The following MIPOL1 variants were observed in gnomAD, a reference collection of about 807,000 sequenced individuals.
MIPOL1 encodes the protein mirror-image polydactyly 1, also known as mirror-image polydactyly gene 1 protein.
MIPOL1 carries 57 observed loss-of-function variants against 60.9 expected under a neutral mutation model. The observed-to-expected ratio is 0.94, with a 90% CI of 0.76 to 1.17. The LOEUF is 1.17. Among genes scored for constraint, MIPOL1 ranks in the 50% most tolerant of loss-of-function variants. MIPOL1 has a pLI of 0.00. For synonymous variants in MIPOL1, 179 were observed against 168.8 expected, an observed-to-expected ratio of 1.06 and a Z score of -0.47; for missense variants, 551 against 511.6, an observed-to-expected ratio of 1.08 and a Z score of -0.74.
At chr14:37,485,845 A>T (rs1264908067) in intron 11 of MIPOL1, among the ~76,000 whole-genome samples, 1 of 152,034 alleles carries the variant, frequency 6.6e-6, no homozygotes, top group Non-Finnish European at 1.5e-5. Flanking sequence ...ATTAGATCCC[A>T]TTTGTCAATT....
intron 1 of MIPOL1, among the ~76,000 whole-genome samples, chr14:37,215,865 C>T (rs570440677): frequency 2.6e-5 from 4 of 151,990 alleles, no homozygotes; most frequent in African/African-American, 4.8e-5. Flanking sequence ...GTCAGGAGTT[C>T]GAGAGCAGCC....
At chr14:37,539,523 G>C (rs770081622) in intron 12 of MIPOL1, among the ~76,000 whole-genome samples, 1 of 152,120 alleles carries the variant, frequency 6.6e-6, no homozygotes, top group Non-Finnish European at 1.5e-5. Flanking sequence ...CTGGATTGTT[G>C]TATAGGACTC....
At chr14:37,402,453 ATGAGCAAAAT>A (rs2093502446) in intron 10 of MIPOL1, among the ~76,000 whole-genome samples, 1 of 152,178 alleles carries the variant, frequency 6.6e-6, no homozygotes, top group Non-Finnish European at 1.5e-5. Flanking sequence ...GAGTCTGCCA[ATGAGCAAAAT>A]AGGAAAGGCA....
At chr14:37,361,849 T>C (rs1348578092) in intron 9 of MIPOL1, among the ~76,000 whole-genome samples, 1 of 152,096 alleles carries the variant, frequency 6.6e-6, no homozygotes, top group African/African-American at 2.4e-5. Context: ...CCTTGTGATC[T>C]GCCCGCCTTG....
At chr14:37,489,744 C>A (rs1471060458) in intron 11 of MIPOL1, among the ~76,000 whole-genome samples, 2 of 152,210 alleles carry the variant, frequency 1.3e-5, no homozygotes, top group Admixed American at 1.3e-4. Context: ...TGGAGGTCCA[C>A]TCTAGACCCT....
At chr14:37,250,536 G>T (rs1369946956) in intron 3 of MIPOL1, among the ~76,000 whole-genome samples, 1 of 152,112 alleles carries the variant, frequency 6.6e-6, no homozygotes, top group Non-Finnish European at 1.5e-5. Context: ...AACAGAGGGA[G>T]ACTGTCTCAA....
intron 10 of MIPOL1, among the ~76,000 whole-genome samples, chr14:37,416,860 T>G (rs1010287621): frequency 6.6e-6 from 1 of 152,318 alleles, no homozygotes; most frequent in African/African-American, 2.4e-5. Flanking sequence ...TTTCTTTACT[T>G]GTTTTGCAGC....
intron 11 of MIPOL1, among the ~76,000 whole-genome samples, chr14:37,495,916 T>C (rs1372673805): frequency 6.8e-6 from 1 of 148,126 alleles, no homozygotes; most frequent in African/African-American, 2.5e-5. Context: ...TTTGGCTGCA[T>C]AAATGTCTTC....
At chr14:37,298,793 A>G (rs1301855157) in intron 7 of MIPOL1, among the ~76,000 whole-genome samples, 2 of 151,530 alleles carry the variant, frequency 1.3e-5, no homozygotes, top group Admixed American at 6.6e-5. Context: ...AAAAGTCAGG[A>G]AACAACAGGT....
chr14:37,295,812 T>G (rs1002247877), intron 7 of MIPOL1, among the ~76,000 whole-genome samples: 1 of 152,160 alleles, frequency 6.6e-6, no homozygotes, highest in African/African-American at 2.4e-5. Flanking sequence ...AGCAAGTCCT[T>G]AGTGACCTAC....
intron 6 of MIPOL1, among the ~76,000 whole-genome samples, chr14:37,279,332 C>T (rs1444014023): frequency 6.7e-6 from 1 of 150,308 alleles, no homozygotes; most frequent in East Asian, 1.9e-4. Context: ...TTATTCATTC[C>T]ATCATAATTT....
At chr14:37,387,737 T>G (rs1400535307) in intron 10 of MIPOL1, among the ~76,000 whole-genome samples, 1 of 151,964 alleles carries the variant, frequency 6.6e-6, no homozygotes, top group Admixed American at 6.6e-5. Context: ...AGACCATAGT[T>G]TTCTCTATGG....
At chr14:37,293,723 T>C (rs928046247) in intron 7 of MIPOL1, among the ~76,000 whole-genome samples, 1 of 152,014 alleles carries the variant, frequency 6.6e-6, no homozygotes, top group South Asian at 2.1e-4. Context: ...AGCACAGTAG[T>C]CTGAGATCAA....
At chr14:37,514,577 A>G (rs2095354262) in intron 12 of MIPOL1, among the ~76,000 whole-genome samples, 1 of 152,000 alleles carries the variant, frequency 6.6e-6, no homozygotes, top group South Asian at 2.1e-4. Context: ...TATTAAACAC[A>G]CAGATTAGAT....
At chr14:37,298,617 C>A (rs2086024552) in intron 7 of MIPOL1, among the ~76,000 whole-genome samples, 1 of 152,054 alleles carries the variant, frequency 6.6e-6, no homozygotes, top group Non-Finnish European at 1.5e-5. Context: ...AAAAAACAAC[C>A]CCATCAAAAA....
At chr14:37,253,816 T>G (rs1974487090) in intron 3 of MIPOL1, among the ~76,000 whole-genome samples, 2 of 151,704 alleles carry the variant, frequency 1.3e-5, no homozygotes, top group Non-Finnish European at 3.0e-5. Context: ...TAATATTAAT[T>G]TAGGATAAAA....
intron 1 of MIPOL1, among the ~76,000 whole-genome samples, chr14:37,242,611 T>A (rs763237129): frequency 6.6e-6 from 1 of 152,154 alleles, no homozygotes; most frequent in African/African-American, 2.4e-5. Context: ...GACATTTATG[T>A]TAGTTCTAGT....
chr14:37,268,708 G>A lies in MIPOL1; in HGVS notation c.302G>A (p.Cys101Tyr), dbSNP rs1422328202. Residue 101 changes from cysteine to tyrosine, a missense_variant, in exon 5 of 13, where the codon TGT becomes TAT. By Grantham distance (194) the Cys-to-Tyr change is radical. Coordinates refer to ENST00000684589, the MANE Select transcript of MIPOL1 (RefSeq NM_001388067.1). ...ATGCATTATGAATGTATGACTCCTTGTCAAGTTACTTCAGACTCAGATAAA... is the reference window on the plus strand; with the variant it reads ...ATGCATTATGAATGTATGACTCCTTATCAAGTTACTTCAGACTCAGATAAA... ...NDMHYECMTP[C>Y]QVTSDSDKEK... 2 of 1,603,368 alleles carry A rather than the reference G, an allele frequency of 1.2e-6. No homozygotes were observed. The highest frequency in any genetic ancestry group is 2.7e-5 in the African/African-American group (2 of 74,496).
At chr14:37,257,480 G>C (rs1295292909) in intron 3 of MIPOL1, among the ~76,000 whole-genome samples, 3 of 151,946 alleles carry the variant, frequency 2.0e-5, no homozygotes, top group Non-Finnish European at 1.5e-5. Flanking sequence ...TTGAGCATTG[G>C]TTTGTTATGC....
Sources: allele counts gnomAD v4.1 joint callset (sites outside exome capture counted in the v4.1 genomes callset), GRCh38; gene constraint gnomAD v4.1.1; transcripts MANE v1.5; gene names NCBI Gene and HGNC (gene_info 2026-07-23, HGNC 2026-07-21).